Variants in FGF12 observed in about 807,000 individuals in gnomAD.
FGF12 encodes the protein fibroblast growth factor 12.
In FGF12, 14 loss-of-function variants were observed where a neutral mutation model predicts 23.6. The ratio of observed to expected loss-of-function variants is 0.59; its 90% confidence interval spans 0.39 to 0.93. The LOEUF (loss-of-function observed/expected upper bound fraction) is 0.93, where lower values mean the gene tolerates loss of function less well. Among genes scored for constraint, FGF12 ranks in the 40% least tolerant of loss-of-function variants. The pLI is 0.00. For synonymous variants in FGF12, 62 were observed against 77.3 expected (o/e 0.80, Z 1.04); for missense variants, 175 against 217.8 (o/e 0.80, Z 1.24).
intron 2 of FGF12, among the ~76,000 whole-genome samples, chr3:192,660,639 C>T (rs1335772899): frequency 6.6e-6 from 1 of 151,840 alleles, no homozygotes; most frequent in Admixed American, 6.6e-5. Flanking sequence ...AGAAAATTTT[C>T]AACTTACAAG....
chr3:192,385,975 G>C (rs1157986665), intron 2 of FGF12, among the ~76,000 whole-genome samples: 1 of 152,196 alleles, frequency 6.6e-6, no homozygotes, highest in Non-Finnish European at 1.5e-5. Flanking sequence ...AAGAATTAAA[G>C]CAATCATTAG....
chr3:192,681,710 G>A (rs1274911469), intron 2 of FGF12, among the ~76,000 whole-genome samples: 1 of 151,784 alleles, frequency 6.6e-6, no homozygotes, highest in African/African-American at 2.4e-5. Flanking sequence ...TTTTTTCAAG[G>A]AAATATCTTT....
At chr3:192,548,612 T>C (rs190524424) in intron 2 of FGF12, among the ~76,000 whole-genome samples, 3 of 152,322 alleles carry the variant, frequency 2.0e-5, no homozygotes, top group Admixed American at 2.0e-4. Flanking sequence ...TGGGGTTAAC[T>C]AATTAATCAA....
intron 4 of FGF12, among the ~76,000 whole-genome samples, chr3:192,242,723 A>T (rs891541353): frequency 6.6e-6 from 1 of 152,190 alleles, no homozygotes; most frequent in Admixed American, 6.5e-5. Context: ...AAAAAAGTTA[A>T]AACCAGTCCT....
At chr3:192,197,238 G>A (rs972694787) in intron 4 of FGF12, among the ~76,000 whole-genome samples, 15 of 152,058 alleles carry the variant, frequency 9.9e-5, no homozygotes, top group African/African-American at 3.1e-4. Flanking sequence ...ATTCTTCTCG[G>A]TGCCTACATG....
At position 192,514,432 on chromosome 3, in the gene FGF12, G is replaced by A. The variant is rs971139939; in HGVS notation, c.14-153894C>T. ...CGCAGGTTTCAGCCCAGGCGCGCCC[G>A]GCGAAAGCCAACGCGCTCTCCCTAC... On this transcript the variant is annotated intron_variant, in intron 2 of 5. Coordinates refer to ENST00000445105, the MANE Select transcript of FGF12 (RefSeq NM_004113.6). The surrounding 1 kb of genome is among the most constrained non-coding windows in gnomAD (Gnocchi z 4.9). 3.3e-5 allele frequency among the ~76,000 whole-genome samples: 5 copies of A among 152,276 alleles called. No homozygotes were observed. The East Asian group carries it at 5.8e-4, about 18-fold the overall frequency.
intron 4 of FGF12, among the ~76,000 whole-genome samples, chr3:192,184,293 G>C (rs568679898): frequency 6.6e-6 from 1 of 152,260 alleles, no homozygotes; most frequent in South Asian, 2.1e-4. Flanking sequence ...TGACCAATGT[G>C]CTTCGGTTAA....
At chr3:192,286,244 C>CAG (rs1406188885) in intron 4 of FGF12, among the ~76,000 whole-genome samples, 1 of 151,994 alleles carries the variant, frequency 6.6e-6, no homozygotes, top group African/African-American at 2.4e-5. Context: ...TGGCGCCCAT[C>CAG]AGAGAGAGGT....
Position 192,336,963 on chromosome 3 carries a change from C to T in FGF12, c.125-1499G>A, listed in dbSNP as rs1032987894. On this transcript the variant is annotated intron_variant, in intron 3 of 5. Transcript: ENST00000445105. The surrounding 1 kb of genome is among the most constrained non-coding windows in gnomAD (Gnocchi z 4.3). ...TTTGAATCCATTTCCACATTTTTTA[C>T]GAAAACTGAGACTAGATAAGAAACT... Among the ~76,000 whole-genome samples the T allele has an allele frequency of 6.6e-6, 1 of 152,034 alleles. No individual in the cohort carries two copies. Among genetic ancestry groups the T allele is most frequent in the Non-Finnish European group, 1.5e-5 (1 of 68,004 alleles).
rs1375938280 is a variant in FGF12, at chr3:192,666,957, A to AGATC, written c.13+60223_13+60224insGATC. Reference sequence around the variant, plus strand: ...TAGATAGATAGATAGATAGATAGATAGACATAAAGAACATCATAATATAAT... The same window carrying AGATC: ...TAGATAGATAGATAGATAGATAGATAGATCGACATAAAGAACATCATAATATAAT... On this transcript the variant is annotated intron_variant, in intron 2 of 5. Coordinates refer to ENST00000445105, the MANE Select transcript of FGF12 (RefSeq NM_004113.6). Among the ~76,000 whole-genome samples, 52 of 151,926 alleles carry AGATC rather than the reference A, an allele frequency of 3.4e-4. 2 individuals are homozygous for AGATC. Among genetic ancestry groups the AGATC allele is most frequent in the Middle Eastern group, 6.8e-3 (2 of 294 alleles).
chr3:192,649,824 G>A (rs926361307), intron 2 of FGF12, among the ~76,000 whole-genome samples: 1 of 151,954 alleles, frequency 6.6e-6, no homozygotes, highest in African/African-American at 2.4e-5. Context: ...TCCTCCCAAA[G>A]TGCTGGTATT....
At chr3:192,559,165 A>G (rs1198025632) in intron 2 of FGF12, among the ~76,000 whole-genome samples, 2 of 151,986 alleles carry the variant, frequency 1.3e-5, no homozygotes, top group African/African-American at 4.8e-5. Context: ...AGCCAACCTA[A>G]AGAATGAGAA....
At chr3:192,161,668 A>G (rs1417747175) in intron 5 of FGF12, among the ~76,000 whole-genome samples, 3 of 152,140 alleles carry the variant, frequency 2.0e-5, no homozygotes, top group Non-Finnish European at 2.9e-5. Flanking sequence ...CGTGTTTAAA[A>G]TAGGGATAGT....
chr3:192,263,850 T>C (rs1712910711), intron 4 of FGF12, among the ~76,000 whole-genome samples: 1 of 152,100 alleles, frequency 6.6e-6, no homozygotes, highest in Non-Finnish European at 1.5e-5. Context: ...GACACATTAG[T>C]CTAAATATGC....
chr3:192,447,232 A>G (rs771762394), intron 2 of FGF12, among the ~76,000 whole-genome samples: 1 of 152,196 alleles, frequency 6.6e-6, no homozygotes, highest in Non-Finnish European at 1.5e-5. Flanking sequence ...TAACAACAAC[A>G]AAAGAGAAAA....
intron 2 of FGF12, among the ~76,000 whole-genome samples, chr3:192,536,184 A>G (rs1207800596): frequency 2.6e-5 from 4 of 152,172 alleles, no homozygotes; most frequent in Non-Finnish European, 5.9e-5. Flanking sequence ...AACACAGCCA[A>G]AGCCATTTGT....
At chr3:192,295,862 TTTAA>T (rs1253512789) in intron 4 of FGF12, among the ~76,000 whole-genome samples, 2 of 151,848 alleles carry the variant, frequency 1.3e-5, no homozygotes, top group East Asian at 1.9e-4. Flanking sequence ...AAATATTTAA[TTTAA>T]TTAATTTATT....
chr3:192,434,621 G>A (rs1474807339), intron 2 of FGF12, among the ~76,000 whole-genome samples: 2 of 152,160 alleles, frequency 1.3e-5, no homozygotes, highest in African/African-American at 4.8e-5. Flanking sequence ...TTCATATGGA[G>A]TTGACTTTTT....
At chr3:192,231,240 G>C (rs941239479) in intron 4 of FGF12, among the ~76,000 whole-genome samples, 1 of 152,042 alleles carries the variant, frequency 6.6e-6, no homozygotes, top group Non-Finnish European at 1.5e-5. Context: ...ACCTTAAAAT[G>C]CATGGAAAAT....
Sources: allele counts gnomAD v4.1 joint callset (sites outside exome capture counted in the v4.1 genomes callset), GRCh38; gene constraint gnomAD v4.1.1; non-coding constraint Gnocchi (gnomAD v3.1); transcripts MANE v1.5; gene names NCBI Gene and HGNC (gene_info 2026-07-23, HGNC 2026-07-21).